FARP1: variants seen among roughly 807,000 people sequenced by gnomAD.
FARP1 encodes FERM, ARHGEF and pleckstrin domain-containing protein 1.
A neutral mutation model predicts 128.8 loss-of-function variants in FARP1; 52 were observed. That is an observed-to-expected ratio of 0.40 (90% CI 0.32 to 0.51). The LOEUF (loss-of-function observed/expected upper bound fraction) is 0.51, where lower values mean the gene tolerates loss of function less well. Among genes scored for constraint, FARP1 ranks in the 20% least tolerant of loss-of-function variants. The pLI, the probability that FARP1 is intolerant of heterozygous loss-of-function variation, is 0.45. For synonymous variants in FARP1, 580 were observed against 551.8 expected (o/e 1.05, Z -0.72); for missense variants, 1,333 against 1,367.9 (o/e 0.97, Z 0.40).
At chr13:98,246,087 CTTTTTTTTTTTTTTT>C (rs56274534) in intron 2 of FARP1, among the ~76,000 whole-genome samples, 6 of 36,882 alleles carry the variant, frequency 1.6e-4, no homozygotes, top group Admixed American at 5.3e-4. Flanking sequence ...GAGATAAATT[CTTTTTTTTTTTTTTT>C]TTTTTTTTTT....
intron 4 of FARP1, among the ~76,000 whole-genome samples, chr13:98,365,835 G>A (rs9517274): frequency 0.15 from 23,249 of 151,970 alleles, 2,308 homozygotes; most frequent in Middle Eastern, 0.25. Context: ...TGTGAAATCA[G>A]AATGCAGGTA....
At chr13:98,146,388 C>T (rs1402872337) in intron 1 of FARP1, among the ~76,000 whole-genome samples, 1 of 152,202 alleles carries the variant, frequency 6.6e-6, no homozygotes, top group Non-Finnish European at 1.5e-5. Context: ...GCCGCCATGC[C>T]CAACTAATTT....
At chr13:98,419,819 C>T (rs1891527551) in intron 16 of FARP1, among the ~76,000 whole-genome samples, 1 of 152,094 alleles carries the variant, frequency 6.6e-6, no homozygotes, top group South Asian at 2.1e-4. Flanking sequence ...AAAATGAACC[C>T]TCAAGCTCCA....
intron 5 of FARP1, 96 bp downstream of exon 5, chr13:98,368,291 G>A (rs1889185263): frequency 7.7e-6 from 7 of 909,102 alleles, no homozygotes; most frequent in Non-Finnish European, 1.1e-5. Context: ...TTTTCATAAT[G>A]TTTACTTGAC....
rs202036107 is a variant in FARP1 at position 98,280,497 on chromosome 13, TCTGTCTGCTC to T, written c.172-63257_172-63248del. Among the ~76,000 whole-genome samples, 157 of 152,344 alleles carry T rather than the reference TCTGTCTGCTC, an allele frequency of 1.0e-3. 1 individual carries two copies. The East Asian group carries it at 0.029, about 28-fold the overall frequency. On this transcript the variant is annotated intron_variant, in intron 2 of 26. Transcript: ENST00000319562. ...ATGTGCTCCCCGCTCACCCCAGCTC[TCTGTCTGCTC>T]CTGTCTGTGTCCCTGTTGAATCCGT...
intron 1 of FARP1, among the ~76,000 whole-genome samples, chr13:98,189,822 C>G (rs1879109806): frequency 6.6e-6 from 1 of 152,186 alleles, no homozygotes; most frequent in Non-Finnish European, 1.5e-5. Context: ...ATTTCAGGAG[C>G]AACAGTTGAG....
At position 98,232,042 on chromosome 13, in the gene FARP1, C is replaced by T. The variant is rs551063841; in HGVS notation, c.171+18629C>T. On this transcript the variant is annotated intron_variant, in intron 2 of 26. Coordinates refer to ENST00000319562, the MANE Select transcript of FARP1 (RefSeq NM_005766.4). Reference sequence around the variant, plus strand: ...ATGGGGTTTCGCCATGTTAGCCAGGCTGGTCTTGAACTTCTGACCTCAGGC... The same window carrying T: ...ATGGGGTTTCGCCATGTTAGCCAGGTTGGTCTTGAACTTCTGACCTCAGGC... 8.9e-4 allele frequency among the ~76,000 whole-genome samples: 135 copies of T among 151,596 alleles called. 1 individual carries two copies. The highest frequency in any genetic ancestry group is 5.9e-4 in the Admixed American group (9 of 15,214).
chr13:98,443,971 G>A (rs187483380), intron 24 of FARP1, among the ~76,000 whole-genome samples: 985 of 35,744 alleles, frequency 0.028, 10 homozygotes, highest in African/African-American at 0.059. Flanking sequence ...CTCAGACTGG[G>A]TGAGGCCACA....
chr13:98,271,270 T>C (rs1884375615), intron 2 of FARP1, among the ~76,000 whole-genome samples: 2 of 152,192 alleles, frequency 1.3e-5, no homozygotes, highest in South Asian at 4.1e-4. Context: ...AGAACACATC[T>C]ACAAACCAGC....
chr13:98,364,210 T>C (rs1414040603), intron 3 of FARP1, among the ~76,000 whole-genome samples: 1 of 152,214 alleles, frequency 6.6e-6, no homozygotes, highest in Non-Finnish European at 1.5e-5. Flanking sequence ...GGTAGTACTT[T>C]TTAGGGCTTA....
chr13:98,190,821 A>G (rs1411803048), intron 1 of FARP1, among the ~76,000 whole-genome samples: 1 of 150,854 alleles, frequency 6.6e-6, no homozygotes, highest in Non-Finnish European at 1.5e-5. Flanking sequence ...TGCTTAGATT[A>G]CAGGCATGAG....
chr13:98,150,600 C>T (rs893642324), intron 1 of FARP1, among the ~76,000 whole-genome samples: 2 of 152,076 alleles, frequency 1.3e-5, no homozygotes, highest in African/African-American at 4.8e-5. Flanking sequence ...ACTTATTTAA[C>T]GTCAGGAAAT....
chr13:98,438,905 A>T, intron 20 of FARP1, 33 bp downstream of exon 20: 22 of 1,605,464 alleles, frequency 1.4e-5, no homozygotes, highest in Non-Finnish European at 1.9e-5. Flanking sequence ...CCTCACAAGG[A>T]TTGTGTCACC....
intron 1 of FARP1, among the ~76,000 whole-genome samples, chr13:98,192,563 G>C (rs1433292236): frequency 6.6e-6 from 1 of 152,036 alleles, no homozygotes; most frequent in Non-Finnish European, 1.5e-5. Context: ...GTAATTTTCT[G>C]TATGTTTAGT....
In FARP1 at chr13:98,453,328, T is replaced by G. The variant is rs1245676773; in HGVS notation, c.*5011T>G. On this transcript the variant is annotated 3_prime_UTR_variant, in exon 27 of 27. Transcript: ENST00000319562. ...AAATTCCAAGTCATACAAAAATAAG[T>G]GGAGCAAATATCAATGTGTAAGTCT... 8.1e-6 allele frequency: 8 copies of G among 991,826 alleles called. No individual in the cohort carries two copies. The East Asian group carries it at 1.7e-4, about 21-fold the overall frequency. The allele number at this position is 991,826 out of a possible 1,614,324, so 61.4% of individuals were successfully genotyped here.
chr13:98,331,393 G>C (rs9584800), intron 2 of FARP1, among the ~76,000 whole-genome samples: 1 of 152,106 alleles, frequency 6.6e-6, no homozygotes, highest in Non-Finnish European at 1.5e-5. Context: ...CTCATTTGTG[G>C]ATCATAGAGA....
chr13:98,143,841 G>T (rs1407096959), intron 1 of FARP1, among the ~76,000 whole-genome samples: 1 of 151,440 alleles, frequency 6.6e-6, no homozygotes, highest in African/African-American at 2.4e-5. Context: ...CGTCCTACCC[G>T]CCCGCTGACA....
At chr13:98,216,697 C>T (rs1192500972) in intron 2 of FARP1, among the ~76,000 whole-genome samples, 1 of 151,974 alleles carries the variant, frequency 6.6e-6, no homozygotes, top group Non-Finnish European at 1.5e-5. Flanking sequence ...TCTTTGTACC[C>T]TAAAAAAATT....
chr13:98,210,737 G>C (rs1566745274), intron 1 of FARP1, among the ~76,000 whole-genome samples: 2 of 152,046 alleles, frequency 1.3e-5, no homozygotes, highest in South Asian at 2.1e-4. Flanking sequence ...TTTTAGTAGA[G>C]ACGGGGTTTC....
Sources: allele counts gnomAD v4.1 joint callset (sites outside exome capture counted in the v4.1 genomes callset), GRCh38; gene constraint gnomAD v4.1.1; transcripts MANE v1.5; gene names NCBI Gene and HGNC (gene_info 2026-07-23, HGNC 2026-07-21).